Variants in KYNU observed in about 807,000 individuals in gnomAD.
KYNU encodes the protein L-kynurenine hydrolase.
In KYNU, 54 loss-of-function variants were observed where a neutral mutation model predicts 59.2. The ratio of observed to expected loss-of-function variants is 0.91; its 90% CI spans 0.73 to 1.14. The LOEUF (loss-of-function observed/expected upper bound fraction) is 1.14. Among genes scored for constraint, KYNU ranks in the 50% most tolerant of loss-of-function variants. The pLI, the probability that KYNU is intolerant of heterozygous loss-of-function variation, is 0.00. For missense variants in KYNU, 567 were observed against 554.4 expected (o/e 1.02, Z -0.23); for synonymous variants, 177 against 192.0 (o/e 0.92, Z 0.65).
intron 4 of KYNU, among the ~76,000 whole-genome samples, chr2:142,944,510 ATAAAG>A (rs1302559711): frequency 6.6e-6 from 1 of 152,222 alleles, no homozygotes; most frequent in Non-Finnish European, 1.5e-5. Context: ...AGATGATCTG[ATAAAG>A]TAAAGATCCT....
chr2:143,022,598 T>C (rs1686440685), intron 10 of KYNU, among the ~76,000 whole-genome samples: 1 of 152,034 alleles, frequency 6.6e-6, no homozygotes, highest in East Asian at 1.9e-4. Context: ...ATTGGAATTA[T>C]CTACTAAAAA....
At chr2:142,913,331 T>C (rs1381533380) in intron 2 of KYNU, among the ~76,000 whole-genome samples, 1 of 152,220 alleles carries the variant, frequency 6.6e-6, no homozygotes, top group Admixed American at 6.5e-5. Flanking sequence ...TGCTTAGCAC[T>C]ATAAGTTTTC....
chr2:142,959,127 T>TCA (rs148878212), intron 7 of KYNU, among the ~76,000 whole-genome samples: 11 of 150,156 alleles, frequency 7.3e-5, no homozygotes, highest in Non-Finnish European at 1.3e-4. Flanking sequence ...ACATACACAC[T>TCA]CACACACACA....
intron 8 of KYNU, among the ~76,000 whole-genome samples, chr2:142,981,410 CT>C (rs1685048207): frequency 2.0e-5 from 3 of 151,928 alleles, no homozygotes; most frequent in South Asian, 4.1e-4. Flanking sequence ...GAATAATTAA[CT>C]TTTTTCCCCA....
intron 10 of KYNU, among the ~76,000 whole-genome samples, chr2:142,992,895 A>C (rs1281722004): frequency 1.3e-5 from 2 of 152,082 alleles, no homozygotes; most frequent in African/African-American, 2.4e-5. Flanking sequence ...AACCAGTTAA[A>C]TAAGTGATTT....
chr2:143,032,137 G>A (rs1686765701), intron 11 of KYNU, among the ~76,000 whole-genome samples: 1 of 152,052 alleles, frequency 6.6e-6, no homozygotes, highest in African/African-American at 2.4e-5. Context: ...AATTAGCTGG[G>A]CGTGGTGACA....
At chr2:142,942,500 A>G (rs905189436) in intron 4 of KYNU, among the ~76,000 whole-genome samples, 4 of 152,222 alleles carry the variant, frequency 2.6e-5, no homozygotes, top group Non-Finnish European at 5.9e-5. Flanking sequence ...TAGTAACTGC[A>G]GTAAAGAGTA....
At chr2:143,001,157 C>T (rs1159920467) in intron 10 of KYNU, among the ~76,000 whole-genome samples, 2 of 152,072 alleles carry the variant, frequency 1.3e-5, no homozygotes, top group African/African-American at 4.8e-5. Context: ...GTCACAGATC[C>T]TATCTAGGCA....
rs1347288435 is a variant in KYNU at position 143,049,196 on chromosome 2, G to C, written c.*7024G>C. The C allele has an allele frequency of 6.6e-6, 1 of 151,792 alleles. No homozygotes were observed. Among genetic ancestry groups the C allele is most frequent in the Non-Finnish European group, 1.5e-5 (1 of 67,948 alleles). 9.4% of individuals were successfully genotyped at this position (151,792 alleles called of 1,614,324 possible). A position where few individuals can be genotyped will look rare whatever the true frequency, so the allele number is the denominator to read the frequency against. ...ATATTTTCTATTTCTTTGAATTTCT[G>C]GGCTGCATTCTTAAGAATTCTAAAA... On this transcript the variant is annotated 3_prime_UTR_variant, in exon 14 of 14. Transcript: ENST00000264170.
chr2:142,954,820 G>A lies in KYNU; in HGVS notation c.384G>A (p.Glu128=). 6.3e-7 allele frequency: 1 copy of A among 1,598,654 alleles called. No individual in the cohort carries two copies. Among genetic ancestry groups the A allele is most frequent in the Non-Finnish European group, 8.6e-7 (1 of 1,166,350 alleles). ...GLMKDIVGAN[E]KEIALMNALT... ...ATGTTTATTTTACAGGAGCCAATGA[G>A]AAAGAAATAGCCCTAATGAATGCTT... The change falls in exon 5 of 14, where the codon GAG becomes GAA. Residue 128 remains glutamate, a synonymous_variant. Transcript: ENST00000264170.
At chr2:142,911,081 T>C (rs192586084) in intron 2 of KYNU, among the ~76,000 whole-genome samples, 2 of 152,326 alleles carry the variant, frequency 1.3e-5, no homozygotes, top group Admixed American at 1.3e-4. Context: ...TTAGAATAGA[T>C]TTTTCTATTT....
rs902995305 is a variant in KYNU, at chr2:142,974,697, A to T, written c.730-10387A>T. Among the ~76,000 whole-genome samples, 3 of 152,194 alleles carry T rather than the reference A, an allele frequency of 2.0e-5. 1 individual carries two copies. The highest frequency in any genetic ancestry group is 4.1e-4 in the South Asian group (2 of 4,832). ...GTAACTTGAGTTACATATTAATTTT[A>T]AAAAATGTAAAGGCTCTCCTTCTTG... On this transcript the variant is annotated intron_variant, in intron 8 of 13. Transcript: ENST00000264170.
chr2:143,030,190 A>G (rs1233681918), intron 11 of KYNU, among the ~76,000 whole-genome samples: 1 of 152,246 alleles, frequency 6.6e-6, no homozygotes, highest in Non-Finnish European at 1.5e-5. Context: ...AGTAGGACAC[A>G]GCAGTACCTT....
rs374576345 is a variant in KYNU, at chr2:142,954,814, C to T, written c.378C>T (p.Ala126=). 7.5e-6 allele frequency: 12 copies of T among 1,595,758 alleles called. No homozygotes were observed. In the African/African-American group the frequency reaches 1.6e-4, roughly 21 times the overall value. ...IVGLMKDIVG[A]NEKEIALMNA... ...TACGATATGTTTATTTTACAGGAGC[C>T]AATGAGAAAGAAATAGCCCTAATGA... is the stretch of plus-strand genomic sequence containing the variant. The change falls in exon 5 of 14, where the codon GCC becomes GCT. Residue 126 remains alanine (A), a synonymous_variant. Transcript: ENST00000264170.
At chr2:142,898,779 C>T (rs909602787) in intron 2 of KYNU, among the ~76,000 whole-genome samples, 2 of 152,148 alleles carry the variant, frequency 1.3e-5, no homozygotes, top group Non-Finnish European at 2.9e-5. Flanking sequence ...TTCTTGGCCT[C>T]ACAGATTCCA....
intron 11 of KYNU, among the ~76,000 whole-genome samples, chr2:143,032,362 C>T (rs1240701852): frequency 6.6e-6 from 1 of 151,974 alleles, no homozygotes; most frequent in Non-Finnish European, 1.5e-5. Context: ...CCTTCACTAT[C>T]ATGAGAACGG....
At chr2:142,917,412 G>C (rs966562030) in intron 2 of KYNU, among the ~76,000 whole-genome samples, 2 of 151,914 alleles carry the variant, frequency 1.3e-5, no homozygotes, top group African/African-American at 4.8e-5. Flanking sequence ...TTGGACTCAA[G>C]CTATAAGGAG....
chr2:142,882,279 C>T (rs188131479), intron 1 of KYNU, among the ~76,000 whole-genome samples: 1 of 152,112 alleles, frequency 6.6e-6, no homozygotes, highest in South Asian at 2.1e-4. Flanking sequence ...TAATTCACCA[C>T]CGTTTCTCTC....
Position 143,048,831 on chromosome 2 carries a change from TA to T in KYNU, c.*6664del, listed in dbSNP as rs1218627118. The T allele has an allele frequency of 1.3e-5, 2 of 152,154 alleles. No individual in the cohort carries two copies. The allele number at this position is 152,154 out of a possible 1,614,324, so 9.4% of individuals were successfully genotyped here. ...TCATGCCAGTCAGAATGGCAATCAT[TA>T]AAAAGTCAGGAAACAATAGATGCTG... is the stretch of plus-strand genomic sequence containing the variant. On this transcript the variant is annotated 3_prime_UTR_variant, in exon 14 of 14. Transcript: ENST00000264170.
Sources: gnomAD v4.1 joint callset for allele counts (sites outside exome capture counted in the v4.1 genomes callset) on GRCh38, gnomAD v4.1.1 for gene constraint, MANE v1.5 for transcripts, NCBI Gene and HGNC (gene_info 2026-07-23, HGNC 2026-07-21) for gene names.